The following ATF6B variants were observed in gnomAD, a reference collection of about 807,000 sequenced individuals.
ATF6B encodes the protein activating transcription factor 6 beta.
Under a neutral mutation model 83.5 loss-of-function variants are expected in ATF6B, and 50 were observed. The ratio of observed to expected loss-of-function variants is 0.60; its 90% CI spans 0.48 to 0.76. The LOEUF is 0.76. ATF6B is among the 30% of genes least tolerant of loss of function. ATF6B has a pLI of 0.00. For missense variants in ATF6B, 790 were observed against 893.8 expected, an observed-to-expected ratio of 0.88 and a Z score of 1.48; for synonymous variants, 344 against 362.8, an observed-to-expected ratio of 0.95 and a Z score of 0.59.
chr6:32,121,375 C>T, intron 5 of ATF6B, 27 bp from the exon 6 acceptor site: 1 of 1,596,914 alleles, frequency 6.3e-7, no homozygotes, highest in Non-Finnish European at 8.6e-7. Flanking sequence ...GAGGCAAAAG[C>T]TGGATATCAT....
In ATF6B at chr6:32,125,190, C is replaced by G. The variant is rs1264884549; in HGVS notation, c.478+927G>C. ...TGTATTGACTGGTACTTGTCTTTCT[C>G]CCATTACCAAATCACAGGGTTTGAA... is the stretch of plus-strand genomic sequence containing the variant. On this transcript the variant is annotated intron_variant, in intron 5 of 17. Transcript: ENST00000375203. This position sits in a 1 kb window ranked among gnomAD's most constrained non-coding sequence, Gnocchi z 4.1. 3.3e-5 allele frequency among the ~76,000 whole-genome samples: 5 copies of G among 152,154 alleles called. No individual in the cohort carries two copies. The highest frequency in any genetic ancestry group is 7.3e-5 in the Non-Finnish European group (5 of 68,038).
At position 32,116,385 on chromosome 6, in the gene ATF6B, C is replaced by A; in HGVS notation, c.1882+95G>T. The A allele has an allele frequency of 8.1e-7, 1 of 1,227,578 alleles. No individual in the cohort carries two copies. The allele number at this position is 1,227,578 out of a possible 1,614,324, so 76.0% of individuals were successfully genotyped here. A position where few individuals can be genotyped will look rare whatever the true frequency, so the allele number is the denominator to read the frequency against. ...CTTCTCACCTGTGGGTCCAGCAGCT[C>A]TCTGGATGCCCTGCTCCTCTCCCCC... On this transcript the variant is annotated intron_variant, in intron 17 of 17. Coordinates refer to ENST00000375203, the MANE Select transcript of ATF6B (RefSeq NM_004381.5). The surrounding 1 kb of genome is among the most constrained non-coding windows in gnomAD (Gnocchi z 5.1).
At chr6:32,121,986 T>C (rs1334879048) in intron 5 of ATF6B, among the ~76,000 whole-genome samples, 2 of 152,230 alleles carry the variant, frequency 1.3e-5, no homozygotes, top group African/African-American at 2.4e-5. Context: ...AGAATAGGCC[T>C]GAGCAGGGGA....
chr6:32,121,854 T>C (rs1384399911), intron 5 of ATF6B, among the ~76,000 whole-genome samples: 2 of 152,068 alleles, frequency 1.3e-5, no homozygotes, highest in Admixed American at 1.3e-4. Flanking sequence ...TTTCGCCTAG[T>C]GCTTCCCTTT....
Position 32,127,746 on chromosome 6 carries a change from G to C in ATF6B, c.96C>G (p.Ser32Arg), listed in dbSNP as rs1297104707. 32 of 1,614,164 alleles carry C rather than the reference G, an allele frequency of 2.0e-5. No homozygotes were observed. The highest frequency in any genetic ancestry group is 2.6e-5 in the Non-Finnish European group (31 of 1,180,022). Residue 32 changes from serine to arginine, a missense_variant, in exon 2 of 18, where the codon AGC (serine) becomes AGG (arginine). By Grantham distance (110) the Ser-to-Arg change is moderately radical. Transcript: ENST00000375203. ...LSPEDWGLQN[S>R]TLYSGLDEVA... ...CTTCATCTAGGCCAGAATACAAGGT[G>C]CTGTCTGCAAGAAATGCTGAGCGTC...
Position 32,118,846 on chromosome 6 carries a change from C to G in ATF6B, c.1173G>C (p.Gly391=). 1.2e-6 allele frequency: 2 copies of G among 1,614,202 alleles called. No individual in the cohort carries two copies. The highest frequency in any genetic ancestry group is 1.7e-6 in the Non-Finnish European group (2 of 1,180,034). The change falls in exon 11 of 18, where the codon GGG becomes GGC. Residue 391 remains glycine (G), a synonymous_variant. Coordinates refer to ENST00000375203, the MANE Select transcript of ATF6B (RefSeq NM_004381.5). This position sits in a 1 kb window ranked among gnomAD's most constrained non-coding sequence, Gnocchi z 5.2. Reference sequence around the variant, plus strand: ...TGCAGACCACCTTCCTGTTTCCAGACCCTAACTTGAGCTCGCTGTTCTAAG... The same window carrying G: ...TGCAGACCACCTTCCTGTTTCCAGAGCCTAACTTGAGCTCGCTGTTCTAAG... ...LLAENSELKL[G]SGNRKVVCIM...
chr6:32,128,211 T>TCCCCCCCCCCCCCCCCCCCC lies in ATF6B; in HGVS notation c.-5_-4insGGGGGGGGGGGGGGGGGGGG. On this transcript the variant is annotated 5_prime_UTR_variant, in exon 1 of 18. Coordinates refer to ENST00000375203, the MANE Select transcript of ATF6B (RefSeq NM_004381.5). ...TGAGCAGCATCAGCTCCGCCATCTT[T>TCCCCCCCCCCCCCCCCCCCC]CCCCCCCACCCCCCAACCAGGAGAC... 1.3e-6 allele frequency: 2 copies of TCCCCCCCCCCCCCCCCCCCC among 1,536,876 alleles called. No individual in the cohort carries two copies. The highest frequency in any genetic ancestry group is 1.8e-6 in the Non-Finnish European group (2 of 1,131,482).
At chr6:32,126,071 T>C (rs754920290) in intron 5 of ATF6B, 46 bp downstream of exon 5, 2 of 1,611,006 alleles carry the variant, frequency 1.2e-6, no homozygotes, top group Non-Finnish European at 8.5e-7. Flanking sequence ...ACATAACACA[T>C]TCTCCCGTAG....
intron 8 of ATF6B, 132 bp downstream of exon 8, chr6:32,120,639 C>T: frequency 4.4e-6 from 5 of 1,147,932 alleles, no homozygotes; most frequent in Non-Finnish European, 6.0e-6. Flanking sequence ...TTAGTAGAGA[C>T]AAGGTTTCAC....
rs1043717088 is a variant in ATF6B at position 32,119,576 on chromosome 6, T to C, written c.966+248A>G. Among the ~76,000 whole-genome samples, 1 of 152,118 alleles carries C rather than the reference T, an allele frequency of 6.6e-6. No individual in the cohort carries two copies. Among genetic ancestry groups the C allele is most frequent in the African/African-American group, 2.4e-5 (1 of 41,410 alleles). Reference sequence around the variant, plus strand: ...ACAGTACGACTTCCTTGCCTTTAATTTATGGAGACCAACCCCATTTCTCCA... The same window carrying C: ...ACAGTACGACTTCCTTGCCTTTAATCTATGGAGACCAACCCCATTTCTCCA... On this transcript the variant is annotated intron_variant, in intron 9 of 17. Coordinates refer to ENST00000375203, the MANE Select transcript of ATF6B (RefSeq NM_004381.5). The surrounding 1 kb of genome is among the most constrained non-coding windows in gnomAD (Gnocchi z 4.9).
chr6:32,121,112 C>T lies in ATF6B; in HGVS notation c.577G>A (p.Glu193Lys), dbSNP rs1170175401. ...ADSSSQAFIG[E>K]EVLEVKTESL... is the part of the protein sequence containing the mutation. The stretch of plus-strand genomic sequence containing the variant: ...TCTGTCTTCACTTCCAGGACCTCCT[C>T]TCCTATAAAAGCCTATGTGGGGCAT... Residue 193 changes from glutamate to lysine, a missense_variant, in exon 7 of 18, where the codon GAG (glutamate) becomes AAG (lysine). Around this residue, in one of 3 missense-constraint regions of ATF6B, gnomAD observed 253 missense variants for 243.1 expected, o/e 1.04. Transcript: ENST00000375203. 1.3e-6 allele frequency: 2 copies of T among 1,576,632 alleles called. No homozygotes were observed. The highest frequency in any genetic ancestry group is 1.7e-6 in the Non-Finnish European group (2 of 1,162,840).
At chr6:32,122,609 G>C (rs1047690822) in intron 5 of ATF6B, among the ~76,000 whole-genome samples, 1 of 151,992 alleles carries the variant, frequency 6.6e-6, no homozygotes. Flanking sequence ...AGCACTTTGG[G>C]AGGCCGAGGC....
At position 32,128,105 on chromosome 6, in the gene ATF6B, C is replaced by T. The variant is rs749384669; in HGVS notation, c.91+12G>A. The T allele has an allele frequency of 6.2e-7, 1 of 1,612,890 alleles. No homozygotes were observed. The highest frequency in any genetic ancestry group is 8.5e-7 in the Non-Finnish European group (1 of 1,179,940). ...AGTTTGCCACAGCCCTCTCCCCTCC[C>T]CGGTGCCTCACTCTGCAGACCCCAG... On this transcript the variant is annotated intron_variant, in intron 1 of 17. Coordinates refer to ENST00000375203, the MANE Select transcript of ATF6B (RefSeq NM_004381.5).
In ATF6B at chr6:32,125,967, T is replaced by A; in HGVS notation, c.478+150A>T. ...TGAAATGTTTCCTCTCCTTCCTGCC[T>A]TCCCTCCTGGTTTTCTGCCATTTCC... On this transcript the variant is annotated intron_variant, in intron 5 of 17. Coordinates refer to ENST00000375203, the MANE Select transcript of ATF6B (RefSeq NM_004381.5). This position sits in a 1 kb window ranked among gnomAD's most constrained non-coding sequence, Gnocchi z 4.1. The A allele has an allele frequency of 8.6e-7, 1 of 1,161,162 alleles. No homozygotes were observed. The highest frequency in any genetic ancestry group is 1.2e-6 in the Non-Finnish European group (1 of 828,298). 71.9% of individuals were successfully genotyped at this position (1,161,162 alleles called of 1,614,324 possible). A position where few individuals can be genotyped will look rare whatever the true frequency, so the allele number is the denominator to read the frequency against.
In ATF6B at chr6:32,115,726, TG is replaced by T. The variant is rs775247782; in HGVS notation, c.*12del. 6.2e-5 allele frequency: 97 copies of T among 1,567,610 alleles called. No homozygotes were observed. The highest frequency in any genetic ancestry group is 8.2e-5 in the Non-Finnish European group (95 of 1,153,816). ...CCCCTCCCCCCGTTCTAAGTCAGTG[TG>T]AATGGCAGAGGTCAGGGATGATTGA... On this transcript the variant is annotated 3_prime_UTR_variant, in exon 18 of 18. Transcript: ENST00000375203.
intron 1 of ATF6B, 153 bp from the exon 2 acceptor site, chr6:32,127,903 C>T (rs1782055186): frequency 9.9e-7 from 1 of 1,015,080 alleles, no homozygotes; most frequent in Non-Finnish European, 1.5e-6. Flanking sequence ...TCAGCCCCTC[C>T]TTCCCCGACC....
chr6:32,120,675 T>C, intron 8 of ATF6B, 96 bp downstream of exon 8: 2 of 1,454,770 alleles, frequency 1.4e-6, no homozygotes, highest in Non-Finnish European at 1.9e-6. Flanking sequence ...GGTCTTAAAC[T>C]TCTGACCTCA....
chr6:32,117,963 C>T lies in ATF6B; in HGVS notation c.1320G>A (p.Leu440=). The T allele has an allele frequency of 2.5e-6, 4 of 1,613,692 alleles. No individual in the cohort carries two copies. The highest frequency in any genetic ancestry group is 2.2e-5 in the East Asian group (1 of 44,878). ...KGEPQPRRHL[L]GFSEQEPVQG... is the part of the protein sequence containing the mutation. The stretch of plus-strand genomic sequence containing the variant: ...GAACTGGCTCTTGCTCTGAGAACCC[C>T]AGCAAGTGTCTCCGGGGTTGAGGCT... Residue 440 remains leucine, a synonymous_variant, in exon 12 of 18, where the codon CTG becomes CTA. Transcript: ENST00000375203. The surrounding 1 kb of genome is among the most constrained non-coding windows in gnomAD (Gnocchi z 5.0).
rs541130150 is a variant in ATF6B at position 32,116,680 on chromosome 6, G to A, written c.1797+24C>T. 83 of 1,610,814 alleles carry A rather than the reference G, an allele frequency of 5.2e-5. No individual in the cohort carries two copies. In the South Asian group the frequency reaches 6.3e-4, roughly 12 times the overall value. ...ACTGCTGGGAACCTGGGGTGACAGAGATGGAAGGGCAGGAGAAACTCACCC... is the reference window on the plus strand; with the variant it reads ...ACTGCTGGGAACCTGGGGTGACAGAAATGGAAGGGCAGGAGAAACTCACCC... On this transcript the variant is annotated intron_variant, in intron 16 of 17. Transcript: ENST00000375203. This position sits in a 1 kb window ranked among gnomAD's most constrained non-coding sequence, Gnocchi z 5.1.
Sources: allele counts gnomAD v4.1 joint callset (sites outside exome capture counted in the v4.1 genomes callset), GRCh38; gene constraint gnomAD v4.1.1; regional missense constraint gnomAD v4.1.1; non-coding constraint Gnocchi (gnomAD v3.1); transcripts MANE v1.5; gene names NCBI Gene and HGNC (gene_info 2026-07-23, HGNC 2026-07-21).